Variants in PCDHA1 observed in about 807,000 individuals in gnomAD.
PCDHA1 encodes the protein protocadherin alpha 1.
PCDHA1 carries 42 observed loss-of-function variants against 61.3 expected under a neutral mutation model. The observed-to-expected ratio is 0.69, with a 90% confidence interval of 0.54 to 0.89. The LOEUF (loss-of-function observed/expected upper bound fraction) is 0.89. Ranked by LOEUF, PCDHA1 falls within the 40% of genes least tolerant of loss-of-function variation. The pLI is 0.00. For synonymous variants in PCDHA1, 610 were observed against 553.8 expected (o/e 1.10, Z -1.43); for missense variants, 1,256 against 1,235.3 (o/e 1.02, Z -0.25).
Position 140,795,513 on chromosome 5 carries a change from G to C in PCDHA1, c.2394+6829G>C, listed in dbSNP as rs782757150. On this transcript the variant is annotated intron_variant, in intron 1 of 3. Transcript: ENST00000504120. ...GTGAGTTTTTCTTCCTAGATATACA[G>C]GCAAATGATGAACTAAGCGAATCTT... 3.7e-6 allele frequency: 6 copies of C among 1,614,028 alleles called. No homozygotes were observed. The African/African-American group carries it at 8.0e-5, about 22-fold the overall frequency.
intron 1 of PCDHA1, chr5:140,822,056 T>C (rs2150113263): frequency 6.2e-7 from 1 of 1,614,216 alleles, no homozygotes; most frequent in Admixed American, 1.7e-5. Context: ...CGGGAGGAGC[T>C]GTGCCGGCGG....
intron 3 of PCDHA1, among the ~76,000 whole-genome samples, chr5:141,007,992 C>T (rs1215200964): frequency 1.3e-5 from 2 of 152,132 alleles, no homozygotes; most frequent in Admixed American, 6.5e-5. Context: ...ATGAAATGTA[C>T]ATGTTAATAA....
chr5:140,924,830 G>A (rs1240824600), intron 1 of PCDHA1, among the ~76,000 whole-genome samples: 1 of 151,612 alleles, frequency 6.6e-6, no homozygotes, highest in African/African-American at 2.4e-5. Flanking sequence ...GGGAGGGGGA[G>A]GTTGCAGGGA....
chr5:140,898,905 C>T (rs1313193763), intron 1 of PCDHA1, among the ~76,000 whole-genome samples: 5 of 152,060 alleles, frequency 3.3e-5, no homozygotes, highest in South Asian at 2.1e-4. Context: ...AGGTCCTTCA[C>T]GTCCCTTGTA....
chr5:140,982,461 G>C lies in PCDHA1; in HGVS notation c.2454-14G>C, dbSNP rs765899879. Reference sequence around the variant, plus strand: ...TATGATCTAACCGTTATCTGGGTCTGTGTGTTTATTCAGCTCTGTGCACCT... The same window carrying C: ...TATGATCTAACCGTTATCTGGGTCTCTGTGTTTATTCAGCTCTGTGCACCT... On this transcript the variant is annotated splice_polypyrimidine_tract_variant and intron_variant, in intron 2 of 3. Coordinates refer to ENST00000504120, the MANE Select transcript of PCDHA1 (RefSeq NM_018900.4). 4.3e-6 allele frequency: 7 copies of C among 1,613,970 alleles called. No homozygotes were observed. The Admixed American group carries it at 6.7e-5, about 15-fold the overall frequency.
chr5:140,827,089 C>T (rs1421752158), intron 1 of PCDHA1, among the ~76,000 whole-genome samples: 1 of 152,092 alleles, frequency 6.6e-6, no homozygotes, highest in Non-Finnish European at 1.5e-5. Context: ...AAACTATTTT[C>T]TAGGAGTCAG....
At chr5:140,915,096 C>T (rs530875134) in intron 1 of PCDHA1, among the ~76,000 whole-genome samples, 1 of 152,060 alleles carries the variant, frequency 6.6e-6, no homozygotes, top group Admixed American at 6.5e-5. Context: ...TGGGCACGCA[C>T]CACCACAACA....
At chr5:140,928,504 A>G (rs1408229072) in intron 1 of PCDHA1, 1 of 1,614,092 alleles carries the variant, frequency 6.2e-7, no homozygotes, top group African/African-American at 1.3e-5. Flanking sequence ...CAGAAGTGCA[A>G]CAGTGACTAT....
At chr5:140,809,058 TG>T in intron 1 of PCDHA1, 7 of 1,613,856 alleles carry the variant, frequency 4.3e-6, no homozygotes, top group Non-Finnish European at 5.9e-6. Context: ...CCGTTCCGCG[TG>T]GGGCTGTACA....
intron 1 of PCDHA1, among the ~76,000 whole-genome samples, chr5:140,831,887 T>C (rs2150198010): frequency 2.4e-4 from 37 of 152,304 alleles, no homozygotes; most frequent in African/African-American, 6.5e-4. Context: ...CGCTTATAAC[T>C]GTGTTTGCCA....
At chr5:140,836,004 G>A in intron 1 of PCDHA1, 2 of 1,613,392 alleles carry the variant, frequency 1.2e-6, no homozygotes, top group Non-Finnish European at 1.7e-6. Context: ...GCGCGATGCG[G>A]GCGTGCCGCC....
Position 140,787,769 on chromosome 5 carries a change from G to T in PCDHA1, c.1479G>T (p.Ser493=), listed in dbSNP as rs201459979. 2 of 1,613,136 alleles carry T rather than the reference G, an allele frequency of 1.2e-6. No individual in the cohort carries two copies. The highest frequency in any genetic ancestry group is 4.5e-5 in the East Asian group (2 of 44,870). Residue 493 remains serine (S), a synonymous_variant, in exon 1 of 4, where the codon TCG becomes TCT. Transcript: ENST00000504120. ...DAQENALVSY[S]LVERRVGERA... is the part of the protein sequence containing the mutation. Reference sequence around the variant, plus strand: ...AGGAGAACGCGCTGGTGTCCTATTCGCTGGTGGAACGGCGGGTGGGCGAGC... The same window carrying T: ...AGGAGAACGCGCTGGTGTCCTATTCTCTGGTGGAACGGCGGGTGGGCGAGC...
chr5:140,915,864 T>A (rs1170888594), intron 1 of PCDHA1, among the ~76,000 whole-genome samples: 1 of 152,166 alleles, frequency 6.6e-6, no homozygotes. Flanking sequence ...CAAGTTTGCA[T>A]CCTTCCCTTT....
intron 1 of PCDHA1, among the ~76,000 whole-genome samples, chr5:140,960,168 T>C (rs569250147): frequency 9.2e-5 from 14 of 152,300 alleles, no homozygotes; most frequent in African/African-American, 3.1e-4. Flanking sequence ...AATACAATTC[T>C]TAAGTTAGGG....
intron 1 of PCDHA1, chr5:140,869,468 A>T (rs1221686748): frequency 1.9e-5 from 31 of 1,614,054 alleles, no homozygotes; most frequent in Non-Finnish European, 2.6e-5. Flanking sequence ...GTGAACGTGG[A>T]GGTGAAGGAC....
At chr5:140,802,730 C>T (rs781795094) in intron 1 of PCDHA1, 7 of 1,612,474 alleles carry the variant, frequency 4.3e-6, no homozygotes, top group Middle Eastern at 1.9e-4. Context: ...TGTCGGTACA[C>T]GCGGAGAGCG....
intron 1 of PCDHA1, chr5:140,814,509 A>G (rs2126656172): frequency 2.6e-5 from 4 of 151,954 alleles, no homozygotes; most frequent in Non-Finnish European, 5.9e-5. Flanking sequence ...GTAAAATACC[A>G]CTAAAAAGTA....
chr5:140,905,048 C>A (rs2153487978), intron 1 of PCDHA1, among the ~76,000 whole-genome samples: 1 of 152,186 alleles, frequency 6.6e-6, no homozygotes, highest in African/African-American at 2.4e-5. Flanking sequence ...TAATTAGGTC[C>A]CATTTATTTA....
intron 1 of PCDHA1, among the ~76,000 whole-genome samples, chr5:140,907,623 G>T (rs553186767): frequency 6.6e-6 from 1 of 152,352 alleles, no homozygotes; most frequent in East Asian, 1.9e-4. Context: ...AGGGCTCAGT[G>T]TTGGTCTCTG....
Sources: gnomAD v4.1 joint callset for allele counts (sites outside exome capture counted in the v4.1 genomes callset) on GRCh38, gnomAD v4.1.1 for gene constraint, MANE v1.5 for transcripts, NCBI Gene and HGNC (gene_info 2026-07-23, HGNC 2026-07-21) for gene names.